ESYT2: variants seen among roughly 807,000 people sequenced by gnomAD.
ESYT2 encodes extended synaptotagmin-2.
ESYT2 carries 54 observed loss-of-function variants against 107.2 expected under a neutral mutation model. The ratio of observed to expected loss-of-function variants is 0.50; its 90% CI spans 0.40 to 0.63. The LOEUF (loss-of-function observed/expected upper bound fraction) is 0.63, where lower values mean the gene tolerates loss of function less well. Among genes scored for constraint, ESYT2 ranks in the 30% least tolerant of loss-of-function variants. The pLI is 0.00. For synonymous variants in ESYT2, 491 were observed against 434.1 expected, an observed-to-expected ratio of 1.13 and a Z score of -1.63; for missense variants, 1,020 against 1,094.5, an observed-to-expected ratio of 0.93 and a Z score of 0.96.
At chr7:158,794,221 T>C (rs779964307) in intron 3 of ESYT2, among the ~76,000 whole-genome samples, 14 of 152,280 alleles carry the variant, frequency 9.2e-5, no homozygotes, top group Non-Finnish European at 1.3e-4. Flanking sequence ...CGCCCAGGCG[T>C]GGCCGCTCAG....
rs575663761 is a variant in ESYT2, at chr7:158,821,949, G to C, written c.330+7140C>G. ...CCTTAGTTACCATCAAACCCTCCCTGCTCCTTTCTTCTGAGCCACCGTGAC... is the reference window on the plus strand; with the variant it reads ...CCTTAGTTACCATCAAACCCTCCCTCCTCCTTTCTTCTGAGCCACCGTGAC... On this transcript the variant is annotated intron_variant, in intron 1 of 22. Coordinates refer to ENST00000275418, the MANE Select transcript of ESYT2 (RefSeq NM_001367773.1). 7.2e-5 allele frequency among the ~76,000 whole-genome samples: 11 copies of C among 152,086 alleles called. No individual in the cohort carries two copies. The South Asian group carries it at 2.3e-3, about 32-fold the overall frequency.
chr7:158,755,397 T>C (rs1468909147), intron 13 of ESYT2, among the ~76,000 whole-genome samples: 1 of 152,204 alleles, frequency 6.6e-6, no homozygotes, highest in Non-Finnish European at 1.5e-5. Context: ...ACTTGGATAA[T>C]GCTGCAGGAA....
At chr7:158,739,177 T>A (rs1464290677) in intron 18 of ESYT2, 56 bp from the exon 19 acceptor site, 5 of 1,455,130 alleles carry the variant, frequency 3.4e-6, no homozygotes, top group Non-Finnish European at 4.8e-6. Flanking sequence ...AACGTTGTGA[T>A]TCATTGGTCC....
chr7:158,738,329 ACACACAC>A (rs1563614934), intron 19 of ESYT2, among the ~76,000 whole-genome samples: 8,053 of 84,284 alleles, frequency 0.096, 605 homozygotes, highest in East Asian at 0.38. Flanking sequence ...AAAAAAAAAT[ACACACAC>A]ACACACAGAC....
chr7:158,813,636 A>G (rs886919541), intron 1 of ESYT2, among the ~76,000 whole-genome samples: 16 of 152,362 alleles, frequency 1.1e-4, no homozygotes, highest in African/African-American at 3.4e-4. Flanking sequence ...CTTGCACTAA[A>G]AGAAATACTA....
intron 1 of ESYT2, among the ~76,000 whole-genome samples, chr7:158,815,178 G>C (rs1036566045): frequency 2.0e-5 from 3 of 152,206 alleles, no homozygotes; most frequent in African/African-American, 7.2e-5. Context: ...CGAGTGCAGA[G>C]AGGCAGCTCC....
intron 1 of ESYT2, among the ~76,000 whole-genome samples, chr7:158,806,826 A>G (rs527398614): frequency 6.6e-6 from 1 of 152,312 alleles, no homozygotes; most frequent in Admixed American, 6.5e-5. Flanking sequence ...TGAAACACCT[A>G]AGACAATCCG....
At chr7:158,813,749 T>C (rs1840051947) in intron 1 of ESYT2, among the ~76,000 whole-genome samples, 2 of 152,176 alleles carry the variant, frequency 1.3e-5, no homozygotes, top group Admixed American at 6.5e-5. Flanking sequence ...CTCGTCCCGA[T>C]GACTCTCACA....
At chr7:158,804,804 C>G (rs1190787899) in intron 1 of ESYT2, among the ~76,000 whole-genome samples, 1 of 151,636 alleles carries the variant, frequency 6.6e-6, no homozygotes, top group Non-Finnish European at 1.5e-5. Flanking sequence ...AAAGGTGAGG[C>G]GCGTGAAAAA....
chr7:158,753,951 C>T (rs1370076932), intron 13 of ESYT2, among the ~76,000 whole-genome samples: 1 of 152,126 alleles, frequency 6.6e-6, no homozygotes, highest in African/African-American at 2.4e-5. Flanking sequence ...GTACCAAAGA[C>T]ACTTATTATT....
chr7:158,790,974 A>T (rs1277000108), intron 4 of ESYT2, among the ~76,000 whole-genome samples: 1 of 152,150 alleles, frequency 6.6e-6, no homozygotes, highest in Admixed American at 6.5e-5. Context: ...CTACCCTCAT[A>T]ATCATTTTTA....
intron 10 of ESYT2, 60 bp downstream of exon 10, chr7:158,763,023 T>G (rs7796780): frequency 0.011 from 13,719 of 1,200,818 alleles, 444 homozygotes; most frequent in African/African-American, 0.11. Flanking sequence ...TACTTTTGAT[T>G]ATTAAACAAA....
rs780391202 is a variant in ESYT2 at position 158,797,938 on chromosome 7, T to C, written c.507+4A>G. ...CACGTGAGGATACTTAAGAGAACAC[T>C]GACCTGCTGGCCCACGTCGACCTTC... is the stretch of plus-strand genomic sequence containing the variant. On this transcript the variant is annotated splice_donor_region_variant and intron_variant, in intron 3 of 22. Coordinates refer to ENST00000275418, the MANE Select transcript of ESYT2 (RefSeq NM_001367773.1). 4 of 1,613,704 alleles carry C rather than the reference T, an allele frequency of 2.5e-6. No individual in the cohort carries two copies. The highest frequency in any genetic ancestry group is 2.2e-5 in the East Asian group (1 of 44,898).
chr7:158,746,811 T>C (rs1837415852), intron 16 of ESYT2, among the ~76,000 whole-genome samples: 1 of 152,126 alleles, frequency 6.6e-6, no homozygotes, highest in African/African-American at 2.4e-5. Flanking sequence ...AGTGGGAACA[T>C]CGCTGCTCGA....
rs575275540 is a variant in ESYT2, at chr7:158,826,753, G to A, written c.330+2336C>T. Among the ~76,000 whole-genome samples, 246 of 149,946 alleles carry A rather than the reference G, an allele frequency of 1.6e-3. 1 individual carries two copies. Among genetic ancestry groups the A allele is most frequent in the African/African-American group, 5.8e-3 (237 of 40,610 alleles). ...GGAGAATGGCTTGAACCCGGGAGGC[G>A]GAGGTTGCAGTGAGTTGAGATGGTG... is the stretch of plus-strand genomic sequence containing the variant. On this transcript the variant is annotated intron_variant, in intron 1 of 22. Coordinates refer to ENST00000275418, the MANE Select transcript of ESYT2 (RefSeq NM_001367773.1).
At chr7:158,755,485 A>T (rs1191785848) in intron 13 of ESYT2, among the ~76,000 whole-genome samples, 1 of 152,224 alleles carries the variant, frequency 6.6e-6, no homozygotes. Context: ...TAGAATGGGA[A>T]AAAGCAACTT....
At chr7:158,826,458 A>C (rs1419578707) in intron 1 of ESYT2, among the ~76,000 whole-genome samples, 3 of 152,196 alleles carry the variant, frequency 2.0e-5, no homozygotes, top group Non-Finnish European at 4.4e-5. Flanking sequence ...ACAGTTCATC[A>C]GTTTAAGTCA....
chr7:158,737,268 T>C, intron 19 of ESYT2, 89 bp from the exon 20 acceptor site: 1 of 1,479,446 alleles, frequency 6.8e-7, no homozygotes, highest in South Asian at 1.3e-5. Flanking sequence ...CAAGCTTTGA[T>C]TTCATGTTTA....
chr7:158,744,305 A>C (rs1837325425), intron 16 of ESYT2: 1 of 152,254 alleles, frequency 6.6e-6, no homozygotes, highest in Non-Finnish European at 1.5e-5. Flanking sequence ...ATGACAAATG[A>C]GAAAAGCAGT....
Sources: gnomAD v4.1 joint callset for allele counts (sites outside exome capture counted in the v4.1 genomes callset) on GRCh38, gnomAD v4.1.1 for gene constraint, MANE v1.5 for transcripts, NCBI Gene and HGNC (gene_info 2026-07-23, HGNC 2026-07-21) for gene names.